The following STAMBPL1 variants were observed in gnomAD, a reference collection of about 807,000 sequenced individuals.
The protein encoded by STAMBPL1 is STAM binding protein like 1, also known as AMSH-like protease.
In STAMBPL1, 44 loss-of-function variants were observed where a neutral mutation model predicts 52.9. That is an observed-to-expected ratio of 0.83 (90% CI 0.65 to 1.07). STAMBPL1 has a LOEUF of 1.07. STAMBPL1 is among the 50% of genes least tolerant of loss of function. STAMBPL1 has a pLI of 0.00. For synonymous variants in STAMBPL1, 164 were observed against 177.3 expected (o/e 0.92, Z 0.60); for missense variants, 511 against 520.8 (o/e 0.98, Z 0.18).
intron 4 of STAMBPL1, among the ~76,000 whole-genome samples, chr10:88,909,190 T>C (rs1224531171): frequency 6.6e-6 from 1 of 152,212 alleles, no homozygotes; most frequent in Non-Finnish European, 1.5e-5. Flanking sequence ...GTTCTAGCTA[T>C]TTACATCTTA....
chr10:88,902,890 A>C lies in STAMBPL1; in HGVS notation c.30+1152A>C, dbSNP rs2133168144. Among the ~76,000 whole-genome samples, 4 of 152,300 alleles carry C rather than the reference A, an allele frequency of 2.6e-5. No homozygotes were observed. The South Asian group carries it at 8.3e-4, about 32-fold the overall frequency. On this transcript the variant is annotated intron_variant, in intron 2 of 10. Transcript: ENST00000371926. ...GGCCCCTAATGTTTTTTCTTGACCA[A>C]GAAAGTCATTCACAAAAATTAGTTG...
chr10:88,918,791 C>T (rs1845434510), intron 8 of STAMBPL1, among the ~76,000 whole-genome samples: 1 of 152,162 alleles, frequency 6.6e-6, no homozygotes, highest in Non-Finnish European at 1.5e-5. Flanking sequence ...TATGCATTTA[C>T]ACTGACAAGT....
At chr10:88,886,612 G>C (rs1364748012) in intron 1 of STAMBPL1, among the ~76,000 whole-genome samples, 1 of 152,034 alleles carries the variant, frequency 6.6e-6, no homozygotes, top group Non-Finnish European at 1.5e-5. Flanking sequence ...AGAGATAACT[G>C]TTAAGAGGCC....
intron 1 of STAMBPL1, among the ~76,000 whole-genome samples, chr10:88,892,968 G>T (rs1844724514): frequency 6.6e-6 from 1 of 152,140 alleles, no homozygotes; most frequent in Non-Finnish European, 1.5e-5. Flanking sequence ...ATACTTCATT[G>T]AACTAAGTAT....
At chr10:88,919,428 A>C (rs1845449230) in intron 8 of STAMBPL1, among the ~76,000 whole-genome samples, 1 of 152,176 alleles carries the variant, frequency 6.6e-6, no homozygotes. Context: ...AACTGTCCTA[A>C]TTGGAATGGA....
At chr10:88,916,574 A>C (rs1845374742) in intron 7 of STAMBPL1, 106 bp from the exon 8 acceptor site, 2 of 1,112,620 alleles carry the variant, frequency 1.8e-6, no homozygotes. Flanking sequence ...ACCTGGACAC[A>C]CCCCCCTGCT....
intron 1 of STAMBPL1, among the ~76,000 whole-genome samples, chr10:88,897,398 G>GA (rs922114046): frequency 2.6e-5 from 4 of 151,788 alleles, no homozygotes; most frequent in Admixed American, 6.6e-5. Context: ...TCAGATTAAA[G>GA]AAAAAAAATG....
In STAMBPL1 at chr10:88,916,609, T is replaced by A. The variant is rs955108459; in HGVS notation, c.904-71T>A. On this transcript the variant is annotated intron_variant, in intron 7 of 10. Coordinates refer to ENST00000371926, the MANE Select transcript of STAMBPL1 (RefSeq NM_020799.4). ...TGGGGGACTCTTTAGTCTTAAACATTTCATTTCCTGTTCAGTTATTTTTTT... is the reference window on the plus strand; with the variant it reads ...TGGGGGACTCTTTAGTCTTAAACATATCATTTCCTGTTCAGTTATTTTTTT... 5.4e-6 allele frequency: 8 copies of A among 1,493,122 alleles called. No individual in the cohort carries two copies. In the East Asian group the frequency reaches 7.2e-5, roughly 14 times the overall value. 92.5% of individuals were successfully genotyped at this position (1,493,122 alleles called of 1,614,324 possible). A position where few individuals can be genotyped will look rare whatever the true frequency, so the allele number is the denominator to read the frequency against.
intron 1 of STAMBPL1, among the ~76,000 whole-genome samples, chr10:88,898,431 G>A (rs1844864182): frequency 6.6e-6 from 1 of 152,150 alleles, no homozygotes; most frequent in African/African-American, 2.4e-5. Flanking sequence ...AAACATACCT[G>A]TTTATGTTGA....
intron 2 of STAMBPL1, 97 bp downstream of exon 2, chr10:88,901,835 A>G (rs2133164843): frequency 8.2e-7 from 1 of 1,224,270 alleles, no homozygotes; most frequent in Non-Finnish European, 1.2e-6. Context: ...TACTTTAAGA[A>G]GTTTAGCACT....
intron 1 of STAMBPL1, among the ~76,000 whole-genome samples, chr10:88,891,062 A>T (rs1010191500): frequency 6.6e-6 from 1 of 152,226 alleles, no homozygotes; most frequent in Admixed American, 6.5e-5. Context: ...ATTCCGAGTT[A>T]TAATTGAGGC....
At chr10:88,908,055 A>C (rs1031907779) in intron 3 of STAMBPL1, among the ~76,000 whole-genome samples, 2 of 152,250 alleles carry the variant, frequency 1.3e-5, no homozygotes, top group African/African-American at 4.8e-5. Context: ...TGCATAAAAA[A>C]GAGAATTCCC....
chr10:88,888,214 A>G (rs1271921435), intron 1 of STAMBPL1, among the ~76,000 whole-genome samples: 1 of 152,188 alleles, frequency 6.6e-6, no homozygotes, highest in African/African-American at 2.4e-5. Flanking sequence ...TGAGTAGTGG[A>G]AGACACAGAG....
At chr10:88,885,286 C>A (rs1414886687) in intron 1 of STAMBPL1, among the ~76,000 whole-genome samples, 1 of 152,138 alleles carries the variant, frequency 6.6e-6, no homozygotes, top group Non-Finnish European at 1.5e-5. Flanking sequence ...CTTCAGTGTT[C>A]CAGTCCTCTC....
In STAMBPL1 at chr10:88,897,355, A is replaced by T. The variant is rs1564624068; in HGVS notation, c.-53-4301A>T. Among the ~76,000 whole-genome samples the T allele has an allele frequency of 4.6e-5, 7 of 152,296 alleles. No homozygotes were observed. The South Asian group carries it at 1.5e-3, about 32-fold the overall frequency. ...ACATTCTTGTGAGTCGGATTAACAG[A>T]AAGCAGACACTCCCCTACTCCTCTA... On this transcript the variant is annotated intron_variant, in intron 1 of 10. Transcript: ENST00000371926.
intron 3 of STAMBPL1, among the ~76,000 whole-genome samples, chr10:88,907,932 G>A (rs1289461500): frequency 6.6e-6 from 1 of 152,168 alleles, no homozygotes; most frequent in Non-Finnish European, 1.5e-5. Flanking sequence ...ATCAGAAATA[G>A]CATTTACAGC....
intron 1 of STAMBPL1, chr10:88,882,681 C>T (rs532744337): frequency 6.6e-6 from 1 of 152,126 alleles, no homozygotes; most frequent in East Asian, 1.9e-4. Flanking sequence ...GTGATTCTGT[C>T]TGCTACTATC....
chr10:88,915,889 C>T (rs551321383), intron 7 of STAMBPL1, among the ~76,000 whole-genome samples: 51 of 152,180 alleles, frequency 3.4e-4, no homozygotes, highest in African/African-American at 1.2e-3. Flanking sequence ...GAGTTGAAAT[C>T]AGGGCAAAGG....
chr10:88,905,513 G>A lies in STAMBPL1; in HGVS notation c.101G>A (p.Ser34Asn), dbSNP rs200795909. The change falls in exon 3 of 11, where the codon AGC (serine) becomes AAC (asparagine). Residue 34 changes from serine (S) to asparagine (N), a missense_variant. Transcript: ENST00000371926. ...LSPEERVRALSKLGCNITISE... is the reference protein window; with the variant it reads ...LSPEERVRALNKLGCNITISE... Reference sequence around the variant, plus strand: ...CCAGAAGAGCGAGTCCGTGCCCTAAGCAAGCTTGGTTGTAATATCACCATC... The same window carrying A: ...CCAGAAGAGCGAGTCCGTGCCCTAAACAAGCTTGGTTGTAATATCACCATC... The A allele has an allele frequency of 2.5e-6, 4 of 1,614,130 alleles. No individual in the cohort carries two copies. The East Asian group carries it at 8.9e-5, about 36-fold the overall frequency.
Sources: gnomAD v4.1 joint callset for allele counts (sites outside exome capture counted in the v4.1 genomes callset) on GRCh38, gnomAD v4.1.1 for gene constraint, MANE v1.5 for transcripts, NCBI Gene and HGNC (gene_info 2026-07-23, HGNC 2026-07-21) for gene names.